The following PRKCZ variants were observed in gnomAD, a reference collection of about 807,000 sequenced individuals.
PRKCZ encodes the protein protein kinase C zeta type.
Under a neutral mutation model 79.5 loss-of-function variants are expected in PRKCZ, and 33 were observed. That is an observed-to-expected ratio of 0.41 (90% CI 0.31 to 0.55). The LOEUF is 0.55. Ranked by LOEUF, PRKCZ falls within the 20% of genes least tolerant of loss-of-function variation. PRKCZ has a pLI of 0.19. For missense variants in PRKCZ, 578 were observed against 813.5 expected (o/e 0.71, Z 3.52); for synonymous variants, 342 against 320.9 (o/e 1.07, Z -0.70).
chr1:2,141,336 T>C (rs1462624474), intron 5 of PRKCZ: 1 of 131,408 alleles, frequency 7.6e-6, no homozygotes, highest in Non-Finnish European at 1.6e-5. Context: ...TTTGTTTGTT[T>C]TTCTTTTTCT....
At chr1:2,157,420 T>C (rs1231056403) in intron 10 of PRKCZ, among the ~76,000 whole-genome samples, 2 of 151,962 alleles carry the variant, frequency 1.3e-5, no homozygotes, top group African/African-American at 2.4e-5. Context: ...TTTTTTAATG[T>C]GCTTTTCTTG....
At position 2,062,860 on chromosome 1, in the gene PRKCZ, C is replaced by T. The variant is rs59095280; in HGVS notation, c.334+3269C>T. Among the ~76,000 whole-genome samples the T allele has an allele frequency of 0.011, 1,652 of 152,182 alleles. 141 individuals carry two copies. In the East Asian group the frequency reaches 0.21, roughly 19 times the overall value. On this transcript the variant is annotated intron_variant, in intron 4 of 17. Transcript: ENST00000378567. ...ATTCGCATTGCTGTCCAGTCATCATCACCGCCCATCTCCAGAACTCTCTTC... is the reference window on the plus strand; with the variant it reads ...ATTCGCATTGCTGTCCAGTCATCATTACCGCCCATCTCCAGAACTCTCTTC...
intron 1 of PRKCZ, 125 bp from the exon 2 acceptor site, chr1:2,055,316 C>T (rs2102212528): frequency 8.4e-7 from 1 of 1,184,408 alleles, no homozygotes; most frequent in South Asian, 1.6e-5. Flanking sequence ...GGGGGTGGGG[C>T]TGTCATATTG....
At chr1:2,063,344 G>A (rs529172385) in intron 4 of PRKCZ, among the ~76,000 whole-genome samples, 14 of 152,274 alleles carry the variant, frequency 9.2e-5, no homozygotes, top group South Asian at 2.1e-4. Context: ...ATAGCGTCTC[G>A]CTCTGTCGCT....
intron 10 of PRKCZ, 78 bp from the exon 11 acceptor site, chr1:2,169,440 C>T (rs767779537): frequency 5.4e-6 from 7 of 1,306,638 alleles, no homozygotes; most frequent in African/African-American, 1.5e-5. Flanking sequence ...CCACGAAGGC[C>T]GCTTCTGTGG....
chr1:2,091,326 C>T lies in PRKCZ; in HGVS notation c.334+31735C>T, dbSNP rs149240547. Among the ~76,000 whole-genome samples the T allele has an allele frequency of 2.7e-3, 415 of 152,294 alleles. 3 individuals carry two copies. The highest frequency in any genetic ancestry group is 9.4e-3 in the African/African-American group (391 of 41,558). On this transcript the variant is annotated intron_variant, in intron 4 of 17. Coordinates refer to ENST00000378567, the MANE Select transcript of PRKCZ (RefSeq NM_002744.6). ...TGCTGGGATTATAGAAGTGAGCCAC[C>T]GCGCCTGGCCTGTTTGTTTTTTAAT...
intron 4 of PRKCZ, among the ~76,000 whole-genome samples, chr1:2,091,565 G>A (rs140128195): frequency 1.5e-3 from 227 of 152,190 alleles, no homozygotes; most frequent in African/African-American, 5.3e-3. Flanking sequence ...CTCTTGGGGC[G>A]AGGCAGTGCC....
intron 10 of PRKCZ, among the ~76,000 whole-genome samples, chr1:2,161,901 C>T (rs1289471781): frequency 1.3e-5 from 2 of 151,954 alleles, no homozygotes; most frequent in African/African-American, 4.8e-5. Flanking sequence ...TGTGCCTTTG[C>T]TGCTTAACTA....
intron 4 of PRKCZ, among the ~76,000 whole-genome samples, chr1:2,071,127 C>G (rs1661544895): frequency 6.6e-6 from 1 of 151,178 alleles, no homozygotes; most frequent in South Asian, 2.1e-4. Context: ...TCAAACCCCA[C>G]CGGCAGGGAG....
At chr1:2,103,610 G>C (rs150922663) in intron 4 of PRKCZ, among the ~76,000 whole-genome samples, 1 of 152,234 alleles carries the variant, frequency 6.6e-6, no homozygotes, top group Non-Finnish European at 1.5e-5. Flanking sequence ...GGCTGGGCAC[G>C]GTGGCGCGTG....
intron 16 of PRKCZ, among the ~76,000 whole-genome samples, chr1:2,180,757 G>A (rs1319891116): frequency 1.3e-5 from 2 of 152,164 alleles, no homozygotes; most frequent in South Asian, 2.1e-4. Context: ...CTCTCTGGGC[G>A]TTTCCTGTGG....
chr1:2,167,591 T>G (rs1409611019), intron 10 of PRKCZ, among the ~76,000 whole-genome samples: 1 of 152,130 alleles, frequency 6.6e-6, no homozygotes, highest in East Asian at 1.9e-4. Context: ...TAAGGGTTTT[T>G]GTGGTTTTTT....
Position 2,137,136 on chromosome 1 carries a change from A to G in PRKCZ, c.420+1789A>G, listed in dbSNP as rs953983349. ...GAGGCTCCAGAGCCCCCGGCAAACC[A>G]CTAATAAGTCCCGGAGTCTAAAGGC... On this transcript the variant is annotated intron_variant, in intron 5 of 17. Transcript: ENST00000378567. 1.2e-4 allele frequency among the ~76,000 whole-genome samples: 18 copies of G among 152,122 alleles called. No individual in the cohort carries two copies. In the East Asian group the frequency reaches 3.1e-3, roughly 26 times the overall value.
chr1:2,148,054 T>C (rs1679032300), intron 7 of PRKCZ, among the ~76,000 whole-genome samples: 1 of 150,212 alleles, frequency 6.7e-6, no homozygotes, highest in Admixed American at 6.6e-5. Flanking sequence ...CACTGTCCAC[T>C]GACCTCTCCA....
At chr1:2,088,890 G>A (rs1664992414) in intron 4 of PRKCZ, among the ~76,000 whole-genome samples, 1 of 152,204 alleles carries the variant, frequency 6.6e-6, no homozygotes, top group South Asian at 2.1e-4. Context: ...TGTCAGAAAA[G>A]CTCAAATTGC....
In PRKCZ at chr1:2,172,935, CGGG is replaced by C. The variant is rs1210075022; in HGVS notation, c.1285+549_1285+551del. ...TGCAGCCGTGTGTGCGTGTGTGAAA[CGGG>C]GATGTGGGCACGCGTGTGCAGCCGT... On this transcript the variant is annotated intron_variant, in intron 13 of 17. Coordinates refer to ENST00000378567, the MANE Select transcript of PRKCZ (RefSeq NM_002744.6). This position sits in a 1 kb window ranked among gnomAD's most constrained non-coding sequence, Gnocchi z 7.8. Among the ~76,000 whole-genome samples the C allele has an allele frequency of 6.7e-6, 1 of 150,224 alleles. No individual in the cohort carries two copies. Among genetic ancestry groups the C allele is most frequent in the African/African-American group, 2.5e-5 (1 of 40,400 alleles).
Position 2,149,704 on chromosome 1 carries a change from C to A in PRKCZ, c.687+780C>A, listed in dbSNP as rs150914991. Reference sequence around the variant, plus strand: ...GACCCTGTTCCTACAAAAATAAATACAAAATAATTAGCTGGGCATGGTGGC... The same window carrying A: ...GACCCTGTTCCTACAAAAATAAATAAAAAATAATTAGCTGGGCATGGTGGC... On this transcript the variant is annotated intron_variant, in intron 8 of 17. Coordinates refer to ENST00000378567, the MANE Select transcript of PRKCZ (RefSeq NM_002744.6). This position sits in a 1 kb window ranked among gnomAD's most constrained non-coding sequence, Gnocchi z 4.1. 1.7e-4 allele frequency among the ~76,000 whole-genome samples: 26 copies of A among 152,232 alleles called. No individual in the cohort carries two copies. The highest frequency in any genetic ancestry group is 6.8e-3 in the Middle Eastern group (2 of 294).
chr1:2,158,857 A>T (rs763071955), intron 10 of PRKCZ, among the ~76,000 whole-genome samples: 1 of 151,964 alleles, frequency 6.6e-6, no homozygotes, highest in East Asian at 1.9e-4. Context: ...CCGCAGCGGC[A>T]CCAATCACTG....
intron 4 of PRKCZ, among the ~76,000 whole-genome samples, chr1:2,123,997 G>A (rs192744725): frequency 2.1e-4 from 2 of 9,506 alleles, no homozygotes; most frequent in African/African-American, 1.2e-3. Flanking sequence ...GGGTCGTGGT[G>A]GTTAGGGTCA....
Sources: gnomAD v4.1 joint callset for allele counts (sites outside exome capture counted in the v4.1 genomes callset) on GRCh38, gnomAD v4.1.1 for gene constraint, Gnocchi (gnomAD v3.1) non-coding constraint, MANE v1.5 for transcripts, NCBI Gene and HGNC (gene_info 2026-07-23, HGNC 2026-07-21) for gene names.